ZNF90: variants seen among roughly 807,000 people sequenced by gnomAD.
ZNF90 encodes zinc finger protein 90.
Under a neutral mutation model 12.0 loss-of-function variants are expected in ZNF90, and 11 were observed. The ratio of observed to expected loss-of-function variants is 0.92; its 90% confidence interval spans 0.58 to 1.52. ZNF90 has a LOEUF of 1.52. Ranked by LOEUF, ZNF90 falls within the 40% of genes most tolerant of loss-of-function variation. The probability of loss-of-function intolerance (pLI) is 0.00; values close to 1 mark genes in which losing one functional copy is unlikely to be tolerated. For missense variants in ZNF90, 765 were observed against 711.5 expected (o/e 1.08, Z -0.86); for synonymous variants, 232 against 240.1 (o/e 0.97, Z 0.31).
intron 3 of ZNF90, among the ~76,000 whole-genome samples, chr19:20,110,681 C>T (rs966278249): frequency 2.0e-5 from 3 of 152,168 alleles, no homozygotes; most frequent in Non-Finnish European, 2.9e-5. Flanking sequence ...TTTATTGCAT[C>T]ATCAAGAGAT....
chr19:20,115,748 T>C (rs1599655144), intron 3 of ZNF90, among the ~76,000 whole-genome samples: 1 of 152,134 alleles, frequency 6.6e-6, no homozygotes, highest in East Asian at 1.9e-4. Context: ...TCAGTTACTT[T>C]TTGTAATTTT....
chr19:20,089,358 G>A (rs2088884303), intron 1 of ZNF90, among the ~76,000 whole-genome samples: 3 of 152,174 alleles, frequency 2.0e-5, no homozygotes, highest in Admixed American at 2.0e-4. Flanking sequence ...CAGGGCAAGT[G>A]TCTTCCTAAG....
At chr19:20,079,292 C>CCTGCA (rs2088802634) in intron 1 of ZNF90, among the ~76,000 whole-genome samples, 2 of 149,170 alleles carry the variant, frequency 1.3e-5, no homozygotes, top group South Asian at 4.2e-4. Context: ...TAATATTAAG[C>CCTGCA]CTGCAAAAGG....
intron 1 of ZNF90, among the ~76,000 whole-genome samples, chr19:20,085,407 C>A (rs2088851800): frequency 6.6e-6 from 1 of 151,930 alleles, no homozygotes. Flanking sequence ...CTACAGGTGC[C>A]TGCCACCGCG....
chr19:20,104,208 A>G, intron 1 of ZNF90, 31 bp from the exon 2 acceptor site: 6 of 1,610,704 alleles, frequency 3.7e-6, no homozygotes, highest in Non-Finnish European at 5.1e-6. Context: ...CACTTGGTAA[A>G]AATGTGTGTG....
intron 1 of ZNF90, among the ~76,000 whole-genome samples, chr19:20,089,930 T>TA (rs1555702574): frequency 6.6e-6 from 1 of 151,834 alleles, no homozygotes; most frequent in African/African-American, 2.4e-5. Flanking sequence ...GTGGTGGAGA[T>TA]AGCTGGGGAG....
At position 20,106,444 on chromosome 19, in the gene ZNF90, G is replaced by A. The variant is rs537928135; in HGVS notation, c.226+1128G>A. Among the ~76,000 whole-genome samples the A allele has an allele frequency of 2.6e-5, 4 of 152,230 alleles. No homozygotes were observed. In the South Asian group the frequency reaches 6.2e-4, roughly 24 times the overall value. On this transcript the variant is annotated intron_variant, in intron 3 of 3. Coordinates refer to ENST00000418063, the MANE Select transcript of ZNF90 (RefSeq NM_007138.2). ...TGCATTGCTGTCTGAATTTGATGAA[G>A]CAAATACCTCTTCAGGTTTTCTTTT...
chr19:20,113,808 A>T lies in ZNF90; in HGVS notation c.227-3973A>T, dbSNP rs8106608. Among the ~76,000 whole-genome samples, 1,073 of 152,156 alleles carry T rather than the reference A, an allele frequency of 7.1e-3. 11 individuals are homozygous for T. Among genetic ancestry groups the T allele is most frequent in the African/African-American group, 0.025 (1,024 of 41,520 alleles). On this transcript the variant is annotated intron_variant, in intron 3 of 3. Transcript: ENST00000418063. ...GCGCCACTGCACTCCAGCCTGAGGG[A>T]CAGAGTGAGACCTGGTCTCAAAAAC... is the stretch of plus-strand genomic sequence containing the variant.
rs375850400 is a variant in ZNF90, at chr19:20,106,485, T to C, written c.226+1169T>C. Among the ~76,000 whole-genome samples, 62 of 152,302 alleles carry C rather than the reference T, an allele frequency of 4.1e-4. No individual in the cohort carries two copies. In the East Asian group the frequency reaches 4.6e-3, roughly 11 times the overall value. On this transcript the variant is annotated intron_variant, in intron 3 of 3. Coordinates refer to ENST00000418063, the MANE Select transcript of ZNF90 (RefSeq NM_007138.2). ...GTTTTCTTTTTTTGAGACGGAGTCTTGCTCTGTCACCCAGGCTGGAGTGCA... is the reference window on the plus strand; with the variant it reads ...GTTTTCTTTTTTTGAGACGGAGTCTCGCTCTGTCACCCAGGCTGGAGTGCA...
At chr19:20,101,039 G>A (rs925027938) in intron 1 of ZNF90, among the ~76,000 whole-genome samples, 9 of 151,974 alleles carry the variant, frequency 5.9e-5, no homozygotes, top group African/African-American at 1.5e-4. Context: ...CACTCTTCTG[G>A]TCTGTTTGTT....
In ZNF90 at chr19:20,120,490, C is replaced by G. The variant is rs903144445; in HGVS notation, c.*1130C>G. On this transcript the variant is annotated 3_prime_UTR_variant, in exon 4 of 4. Coordinates refer to ENST00000418063, the MANE Select transcript of ZNF90 (RefSeq NM_007138.2). Reference sequence around the variant, plus strand: ...AGGGAATTTATGTTAGAGAAGAATCCTGCAAATGTAGTGAATTTGGAAACA... The same window carrying G: ...AGGGAATTTATGTTAGAGAAGAATCGTGCAAATGTAGTGAATTTGGAAACA... Among the ~76,000 whole-genome samples the G allele has an allele frequency of 2.6e-5, 4 of 152,136 alleles. No homozygotes were observed. Among genetic ancestry groups the G allele is most frequent in the African/African-American group, 9.7e-5 (4 of 41,436 alleles).
intron 1 of ZNF90, among the ~76,000 whole-genome samples, chr19:20,088,370 A>G (rs375730778): frequency 1.3e-5 from 2 of 152,132 alleles, no homozygotes; most frequent in African/African-American, 4.8e-5. Context: ...TCGTATAGAA[A>G]GATTGGTGAT....
intron 1 of ZNF90, among the ~76,000 whole-genome samples, chr19:20,092,946 A>G (rs2088914000): frequency 6.6e-6 from 1 of 152,154 alleles, no homozygotes; most frequent in African/African-American, 2.4e-5. Flanking sequence ...AGATCATGAG[A>G]AAGAGCTTGG....
intron 1 of ZNF90, among the ~76,000 whole-genome samples, chr19:20,094,698 C>A (rs2088929024): frequency 1.3e-5 from 2 of 152,120 alleles, no homozygotes; most frequent in African/African-American, 2.4e-5. Context: ...CTTTCCCATT[C>A]ATCTGGGGAG....
In ZNF90 at chr19:20,092,193, G is replaced by A. The variant is rs574008848; in HGVS notation, c.4-12046G>A. 7.2e-4 allele frequency among the ~76,000 whole-genome samples: 110 copies of A among 152,260 alleles called. 1 individual carries two copies. The South Asian group carries it at 0.019, about 27-fold the overall frequency. ...AAGAGTGAGTATAGCAGAAGGAGCCGGGGAGCAGAAAGTATATGTGTCAGG... is the reference window on the plus strand; with the variant it reads ...AAGAGTGAGTATAGCAGAAGGAGCCAGGGAGCAGAAAGTATATGTGTCAGG... On this transcript the variant is annotated intron_variant, in intron 1 of 3. Transcript: ENST00000418063.
chr19:20,117,849 A>T lies in ZNF90; in HGVS notation c.295A>T (p.Ile99Leu). The change falls in exon 4 of 4, where the codon ATA becomes TTA. Residue 99 changes from isoleucine (I) to leucine (L), a missense_variant. By Grantham distance (5) the Ile-to-Leu change is conservative (BLOSUM62 2). Coordinates refer to ENST00000418063, the MANE Select transcript of ZNF90 (RefSeq NM_007138.2). ...QSLKDSFQKV[I>L]VTRYEKREYG... ...CCTAAAAGATTCCTTCCAAAAAGTG[A>T]TAGTGACAAGATATGAAAAACGTGA... is the stretch of plus-strand genomic sequence containing the variant. The T allele has an allele frequency of 6.2e-7, 1 of 1,604,336 alleles. No homozygotes were observed. The highest frequency in any genetic ancestry group is 8.5e-7 in the Non-Finnish European group (1 of 1,175,922).
At position 20,118,301 on chromosome 19, in the gene ZNF90, A is replaced by G; in HGVS notation, c.747A>G (p.Arg249=). 1.9e-6 allele frequency: 3 copies of G among 1,562,432 alleles called. No homozygotes were observed. The highest frequency in any genetic ancestry group is 1.7e-6 in the Non-Finnish European group (2 of 1,152,838). The part of the protein sequence containing the change: ...KYSSTLTAHK[R]IHTGEKRYKC... ...CCTCTACCCTTACTGCACATAAGAGAATTCATACTGGAGAGAAACGGTACA... is the reference window on the plus strand; with the variant it reads ...CCTCTACCCTTACTGCACATAAGAGGATTCATACTGGAGAGAAACGGTACA... The change falls in exon 4 of 4, where the codon AGA becomes AGG. Residue 249 remains arginine (R), a synonymous_variant. Coordinates refer to ENST00000418063, the MANE Select transcript of ZNF90 (RefSeq NM_007138.2).
intron 1 of ZNF90, among the ~76,000 whole-genome samples, chr19:20,078,956 T>TA (rs1320196898): frequency 6.6e-6 from 1 of 151,808 alleles, no homozygotes; most frequent in Non-Finnish European, 1.5e-5. Context: ...CTCTCTCTAC[T>TA]AAAAATACAA....
rs1187951180 is a variant in ZNF90 at position 20,113,947 on chromosome 19, G to GT, written c.227-3833dup. Among the ~76,000 whole-genome samples the GT allele has an allele frequency of 1.3e-5, 2 of 151,526 alleles. 1 individual carries two copies. Among genetic ancestry groups the GT allele is most frequent in the Non-Finnish European group, 2.9e-5 (2 of 67,984 alleles). On this transcript the variant is annotated intron_variant, in intron 3 of 3. Transcript: ENST00000418063. ...AATACTAACTCTGTATTTTTTTAAG[G>GT]TATTATTGTTTACTTATGTGTTATG...
Sources: allele counts gnomAD v4.1 joint callset (sites outside exome capture counted in the v4.1 genomes callset), GRCh38; gene constraint gnomAD v4.1.1; transcripts MANE v1.5; gene names NCBI Gene and HGNC (gene_info 2026-07-23, HGNC 2026-07-21).